HS3ST2: variants seen among roughly 807,000 people sequenced by gnomAD.
The protein encoded by HS3ST2 is heparan sulfate glucosamine 3-O-sulfotransferase 2.
Under a neutral mutation model 26.3 loss-of-function variants are expected in HS3ST2, and 17 were observed. The observed-to-expected ratio is 0.65, with a 90% CI of 0.44 to 0.97. The LOEUF is 0.97. Among genes scored for constraint, HS3ST2 ranks in the 50% least tolerant of loss-of-function variants. The probability of loss-of-function intolerance (pLI) is 0.00; values close to 1 mark genes in which losing one functional copy is unlikely to be tolerated. For synonymous variants in HS3ST2, 237 were observed against 219.2 expected, an observed-to-expected ratio of 1.08 and a Z score of -0.72; for missense variants, 402 against 501.2, an observed-to-expected ratio of 0.80 and a Z score of 1.89.
chr16:22,817,604 A>C (rs1222720396), intron 1 of HS3ST2, among the ~76,000 whole-genome samples: 1 of 152,214 alleles, frequency 6.6e-6, no homozygotes, highest in African/African-American at 2.4e-5. Flanking sequence ...CCTGAATCCC[A>C]TGAGCTAGGT....
chr16:22,841,362 C>A (rs561793793), intron 1 of HS3ST2, among the ~76,000 whole-genome samples: 1 of 152,088 alleles, frequency 6.6e-6, no homozygotes, highest in Non-Finnish European at 1.5e-5. Flanking sequence ...CGCCCGGCCT[C>A]ACTCCCTGAA....
intron 1 of HS3ST2, among the ~76,000 whole-genome samples, chr16:22,830,674 A>T (rs1209230392): frequency 1.3e-5 from 2 of 152,196 alleles, no homozygotes; most frequent in East Asian, 3.9e-4. Flanking sequence ...CTGGGAGACC[A>T]TCCAAACTTT....
chr16:22,857,391 T>A (rs1901610515), intron 1 of HS3ST2, among the ~76,000 whole-genome samples: 1 of 152,228 alleles, frequency 6.6e-6, no homozygotes, highest in Non-Finnish European at 1.5e-5. Context: ...TGATTTTCAC[T>A]GTAGCCTCTC....
chr16:22,907,668 G>A (rs960496430), intron 1 of HS3ST2, among the ~76,000 whole-genome samples: 7 of 152,212 alleles, frequency 4.6e-5, no homozygotes, highest in South Asian at 4.1e-4. Context: ...TTGCAAAAGC[G>A]GAGGAAAATG....
At chr16:22,832,059 T>A (rs1398281610) in intron 1 of HS3ST2, among the ~76,000 whole-genome samples, 3 of 152,036 alleles carry the variant, frequency 2.0e-5, no homozygotes, top group African/African-American at 7.2e-5. Flanking sequence ...CTCAGCTCAC[T>A]GTAGCCTTGG....
intron 1 of HS3ST2, among the ~76,000 whole-genome samples, chr16:22,910,697 T>C (rs1400482748): frequency 2.0e-5 from 3 of 152,102 alleles, no homozygotes; most frequent in Non-Finnish European, 4.4e-5. Context: ...CCAAAAAGGG[T>C]CTACATAGAC....
chr16:22,860,532 G>T (rs897279348), intron 1 of HS3ST2, among the ~76,000 whole-genome samples: 3 of 152,074 alleles, frequency 2.0e-5, no homozygotes, highest in African/African-American at 7.2e-5. Flanking sequence ...TTTGAGCAAT[G>T]ATCACTTTTT....
chr16:22,818,397 G>T (rs773204138), intron 1 of HS3ST2, among the ~76,000 whole-genome samples: 1 of 152,110 alleles, frequency 6.6e-6, no homozygotes, highest in Non-Finnish European at 1.5e-5. Flanking sequence ...ATGCAAAACT[G>T]TACATGAAAT....
intron 1 of HS3ST2, chr16:22,833,282 C>T (rs1189512665): frequency 2.2e-6 from 1 of 456,088 alleles, no homozygotes; most frequent in East Asian, 6.9e-5. Context: ...TTAGGTGACT[C>T]AGACACTACC....
At chr16:22,908,308 A>G (rs147190308) in intron 1 of HS3ST2, among the ~76,000 whole-genome samples, 13 of 152,292 alleles carry the variant, frequency 8.5e-5, no homozygotes, top group Non-Finnish European at 1.6e-4. Context: ...TACTTGTGCC[A>G]TGGATTGTGG....
At chr16:22,893,029 A>G (rs1902150893) in intron 1 of HS3ST2, among the ~76,000 whole-genome samples, 1 of 152,236 alleles carries the variant, frequency 6.6e-6, no homozygotes, top group South Asian at 2.1e-4. Context: ...AGTTGTCTAC[A>G]CATTATAGAA....
chr16:22,859,820 T>A (rs16973818), intron 1 of HS3ST2, among the ~76,000 whole-genome samples: 10,963 of 152,238 alleles, frequency 0.072, 529 homozygotes, highest in African/African-American at 0.13. Context: ...GCATGAGAGT[T>A]ACTCTGATCT....
intron 1 of HS3ST2, among the ~76,000 whole-genome samples, chr16:22,830,315 A>G (rs1901150423): frequency 6.6e-6 from 1 of 152,196 alleles, no homozygotes; most frequent in Non-Finnish European, 1.5e-5. Context: ...GCTTGCTTGC[A>G]CAGAATGTGA....
At chr16:22,869,967 T>A (rs1311441500) in intron 1 of HS3ST2, among the ~76,000 whole-genome samples, 1 of 152,104 alleles carries the variant, frequency 6.6e-6, no homozygotes, top group Non-Finnish European at 1.5e-5. Context: ...TCATGTAGAT[T>A]GAACACTTAC....
Position 22,915,112 on chromosome 16 carries a change from A to G in HS3ST2, c.654A>G (p.Thr218=), listed in dbSNP as rs774591806. 16 of 1,613,158 alleles carry G rather than the reference A, an allele frequency of 9.9e-6. No individual in the cohort carries two copies. The East Asian group carries it at 1.1e-4, about 11-fold the overall frequency. The change falls in exon 2 of 2, where the codon ACA becomes ACG. Residue 218 remains threonine, a synonymous_variant. Coordinates refer to ENST00000261374, the MANE Select transcript of HS3ST2 (RefSeq NM_006043.2). ...GTGCCATCTCTGATTACACGCAGACACTCTCCAAGAAGCCCGACATCCCGA... is the reference window on the plus strand; with the variant it reads ...GTGCCATCTCTGATTACACGCAGACGCTCTCCAAGAAGCCCGACATCCCGA... The part of the protein sequence containing the change: ...VTRAISDYTQ[T]LSKKPDIPTF...
At chr16:22,887,401 G>A (rs887968676) in intron 1 of HS3ST2, among the ~76,000 whole-genome samples, 2 of 152,162 alleles carry the variant, frequency 1.3e-5, no homozygotes, top group Non-Finnish European at 2.9e-5. Flanking sequence ...TCCTCACATG[G>A]CAGAAGAGAT....
intron 1 of HS3ST2, among the ~76,000 whole-genome samples, chr16:22,855,339 C>G (rs962548507): frequency 6.6e-6 from 1 of 152,116 alleles, no homozygotes; most frequent in Non-Finnish European, 1.5e-5. Flanking sequence ...CTTGGGGACA[C>G]AGAAGGAGGG....
intron 1 of HS3ST2, among the ~76,000 whole-genome samples, chr16:22,862,640 C>T (rs1901695959): frequency 6.6e-6 from 1 of 152,208 alleles, no homozygotes; most frequent in South Asian, 2.1e-4. Context: ...CCAGCCTTCT[C>T]ACCTGGGACT....
At chr16:22,873,004 C>G (rs1015631608) in intron 1 of HS3ST2, among the ~76,000 whole-genome samples, 23 of 152,206 alleles carry the variant, frequency 1.5e-4, no homozygotes, top group African/African-American at 5.3e-4. Flanking sequence ...GTTTCTTAAC[C>G]TTTCAATGCC....
Sources: gnomAD v4.1 joint callset for allele counts (sites outside exome capture counted in the v4.1 genomes callset) on GRCh38, gnomAD v4.1.1 for gene constraint, MANE v1.5 for transcripts, NCBI Gene and HGNC (gene_info 2026-07-23, HGNC 2026-07-21) for gene names.